Variants in TKFC observed in about 807,000 individuals in gnomAD.
TKFC encodes triokinase/FMN cyclase.
Under a neutral mutation model 61.0 loss-of-function variants are expected in TKFC, and 46 were observed. The observed-to-expected ratio is 0.75, with a 90% CI of 0.60 to 0.96. The LOEUF (loss-of-function observed/expected upper bound fraction) is 0.96. Among genes scored for constraint, TKFC ranks in the 50% least tolerant of loss-of-function variants. The pLI, the probability that TKFC is intolerant of heterozygous loss-of-function variation, is 0.00. For missense variants in TKFC, 715 were observed against 777.5 expected, an observed-to-expected ratio of 0.92 and a Z score of 0.96; for synonymous variants, 314 against 330.1, an observed-to-expected ratio of 0.95 and a Z score of 0.53.
At chr11:61,334,513 G>T in intron 1 of TKFC, 107 bp from the exon 2 acceptor site, 1 of 577,756 alleles carries the variant, frequency 1.7e-6, no homozygotes. Flanking sequence ...GTTTGGACTT[G>T]GACCGAAGTC....
chr11:61,333,390 C>T (rs561350640), intron 1 of TKFC, 61 bp downstream of exon 1: 16 of 159,444 alleles, frequency 1.0e-4, no homozygotes, highest in African/African-American at 3.6e-4. Context: ...GCCCTTTGCC[C>T]TTCCCCGCAT....
intron 5 of TKFC, 82 bp downstream of exon 5, chr11:61,339,517 T>C (rs1856769007): frequency 1.4e-6 from 2 of 1,433,272 alleles, no homozygotes; most frequent in Admixed American, 2.4e-5. Context: ...ACTGGACCTT[T>C]CCAGCCCTTC....
At chr11:61,345,617 G>A in intron 15 of TKFC, 52 bp downstream of exon 15, 1 of 1,612,010 alleles carries the variant, frequency 6.2e-7, no homozygotes, top group Non-Finnish European at 8.5e-7. Flanking sequence ...GGAGGTGTTT[G>A]GTGACATCTG....
chr11:61,340,037 G>T lies in TKFC; in HGVS notation c.486+602G>T, dbSNP rs183763393. On this transcript the variant is annotated intron_variant, in intron 5 of 17. Transcript: ENST00000394900. ...TTATTTATTTATTTTTTGAGGCAGA[G>T]TCTCACTCTGTTGCCCAGGCTGGAA... Among the ~76,000 whole-genome samples the T allele has an allele frequency of 3.0e-3, 456 of 151,278 alleles. 5 individuals carry two copies. Among genetic ancestry groups the T allele is most frequent in the Non-Finnish European group, 3.5e-3 (239 of 67,872 alleles).
chr11:61,344,250 C>G lies in TKFC; in HGVS notation c.1217C>G (p.Thr406Ser), dbSNP rs769371116. 1 of 1,612,900 alleles carries G rather than the reference C, an allele frequency of 6.2e-7. No homozygotes were observed. The highest frequency in any genetic ancestry group is 8.5e-7 in the Non-Finnish European group (1 of 1,179,962). The part of the protein sequence containing the change: ...DRAAGDGDCG[T>S]THSRAARAIQ... ...GCTGCTGGTGACGGCGACTGTGGCA[C>G]CACCCACAGCCGTGCGGCCAGAGGT... is the stretch of plus-strand genomic sequence containing the variant. The change falls in exon 13 of 18, where the codon ACC becomes AGC. Residue 406 changes from threonine (T) to serine (S), a missense_variant. Transcript: ENST00000394900.
intron 3 of TKFC, 129 bp downstream of exon 3, chr11:61,338,259 T>A (rs1445273981): frequency 2.4e-6 from 2 of 840,752 alleles, no homozygotes; most frequent in African/African-American, 3.5e-5. Context: ...CTTCCCACTC[T>A]CCCACTCCCT....
Position 61,334,611 on chromosome 11 carries a change from C to G in TKFC, c.-109-9C>G. The G allele has an allele frequency of 7.3e-7, 1 of 1,367,398 alleles. No homozygotes were observed. Among genetic ancestry groups the G allele is most frequent in the Non-Finnish European group, 1.0e-6 (1 of 967,874 alleles). The allele number at this position is 1,367,398 out of a possible 1,614,324, so 84.7% of individuals were successfully genotyped here. A position where few individuals can be genotyped will look rare whatever the true frequency, so the allele number is the denominator to read the frequency against. The stretch of plus-strand genomic sequence containing the variant: ...CTTCCGCAGCTTGTATCGTTACCCA[C>G]TCCTGCAGGTGCTGCTGCTGCCTCC... On this transcript the variant is annotated splice_polypyrimidine_tract_variant and intron_variant, in intron 1 of 17. Coordinates refer to ENST00000394900, the MANE Select transcript of TKFC (RefSeq NM_015533.4).
At chr11:61,333,856 G>C (rs1365244235) in intron 1 of TKFC, 4 of 152,268 alleles carry the variant, frequency 2.6e-5, no homozygotes, top group Admixed American at 6.5e-5. Flanking sequence ...CCAGAGAGGA[G>C]CCAACCCCCA....
Position 61,346,974 on chromosome 11 carries a change from C to T in TKFC, c.*471C>T. On this transcript the variant is annotated 3_prime_UTR_variant, in exon 18 of 18. Transcript: ENST00000394900. The surrounding 1 kb of genome is among the most constrained non-coding windows in gnomAD (Gnocchi z 4.1). ...TCCCAAGCATGTAAACAAGGGGGCC[C>T]ACAGCCCTGGCTGCAGGCATCATGA... 1 of 987,434 alleles carries T rather than the reference C, an allele frequency of 1.0e-6. No individual in the cohort carries two copies. The highest frequency in any genetic ancestry group is 1.2e-6 in the Non-Finnish European group (1 of 831,224). 61.2% of individuals were successfully genotyped at this position (987,434 alleles called of 1,614,324 possible). A position where few individuals can be genotyped will look rare whatever the true frequency, so the allele number is the denominator to read the frequency against.
chr11:61,334,582 G>A (rs763564329), intron 1 of TKFC, 38 bp from the exon 2 acceptor site: 377 of 1,044,628 alleles, frequency 3.6e-4, no homozygotes, highest in Non-Finnish European at 4.8e-4. Flanking sequence ...TCGACTGCGA[G>A]TTCCTTCCGC....
At chr11:61,350,318 G>C, downstream of TKFC, 1 of 1,549,100 alleles carries the variant, frequency 6.5e-7, no homozygotes, top group Non-Finnish European at 8.8e-7. Flanking sequence ...GAAACCAGCC[G>C]GGAGCCCTGG....
At position 61,341,806 on chromosome 11, in the gene TKFC, T is replaced by C; in HGVS notation, c.566-17T>C. Reference sequence around the variant, plus strand: ...TAAGAGTGGAACAGTCATCCCTTCATGCCTTGTTTCTCATAGGTACCCTGG... The same window carrying C: ...TAAGAGTGGAACAGTCATCCCTTCACGCCTTGTTTCTCATAGGTACCCTGG... On this transcript the variant is annotated splice_polypyrimidine_tract_variant and intron_variant, in intron 6 of 17. Transcript: ENST00000394900. The C allele has an allele frequency of 6.2e-7, 1 of 1,610,328 alleles. No individual in the cohort carries two copies. The highest frequency in any genetic ancestry group is 2.2e-5 in the East Asian group (1 of 44,856).
At position 61,333,322 on chromosome 11, in the gene TKFC, C is replaced by G. The variant is rs973432632; in HGVS notation, c.-117C>G. The stretch of plus-strand genomic sequence containing the variant: ...TGTGGCGGATGCGGCCGTGAGCCGG[C>G]GGGGGAGGTGCGCCAGTGTCCTCCG... On this transcript the variant is annotated 5_prime_UTR_variant, in exon 1 of 18. Transcript: ENST00000394900. 11 of 192,164 alleles carry G rather than the reference C, an allele frequency of 5.7e-5. No individual in the cohort carries two copies. Among genetic ancestry groups the G allele is most frequent in the East Asian group, 1.2e-4 (1 of 8,312 alleles). 11.9% of individuals were successfully genotyped at this position (192,164 alleles called of 1,614,324 possible).
rs1857282454 is a variant in TKFC at position 61,349,199 on chromosome 11, TGAA to T, written c.*2702_*2704del. 7.9e-6 allele frequency: 2 copies of T among 254,532 alleles called. No individual in the cohort carries two copies. The highest frequency in any genetic ancestry group is 1.6e-5 in the Non-Finnish European group (2 of 124,626). The allele number at this position is 254,532 out of a possible 1,614,324, so 15.8% of individuals were successfully genotyped here. ...CCGCTCTCCACCCTATTTCCTCCCC[TGAA>T]GAAGAGCAACAGCTCAAGCTCTAGC... On this transcript the variant is annotated 3_prime_UTR_variant, in exon 18 of 18. Coordinates refer to ENST00000394900, the MANE Select transcript of TKFC (RefSeq NM_015533.4).
rs139570155 is a variant in TKFC, at chr11:61,347,182, G to A, written c.*679G>A. 1.9e-5 allele frequency: 19 copies of A among 985,432 alleles called. No individual in the cohort carries two copies. The East Asian group carries it at 3.4e-4, about 18-fold the overall frequency. The allele number at this position is 985,432 out of a possible 1,614,324, so 61.0% of individuals were successfully genotyped here. ...ATAATTCAGTGGCTCCTCGGGAGTC[G>A]AATGGGCATTTGGGACACCAGAAGG... On this transcript the variant is annotated 3_prime_UTR_variant, in exon 18 of 18. Coordinates refer to ENST00000394900, the MANE Select transcript of TKFC (RefSeq NM_015533.4).
In TKFC at chr11:61,347,325, TA is replaced by T; in HGVS notation, c.*823del. Reference sequence around the variant, plus strand: ...GGGAGGCCAAGGCAGGCGGATCCCTTACACTCAGGAGTTCAAGACCAGTCTG... The same window carrying T: ...GGGAGGCCAAGGCAGGCGGATCCCTTCACTCAGGAGTTCAAGACCAGTCTG... On this transcript the variant is annotated 3_prime_UTR_variant, in exon 18 of 18. Coordinates refer to ENST00000394900, the MANE Select transcript of TKFC (RefSeq NM_015533.4). 2.1e-6 allele frequency: 2 copies of T among 958,812 alleles called. No individual in the cohort carries two copies. The highest frequency in any genetic ancestry group is 2.5e-6 in the Non-Finnish European group (2 of 805,764). 59.4% of individuals were successfully genotyped at this position (958,812 alleles called of 1,614,324 possible).
At position 61,346,126 on chromosome 11, in the gene TKFC, G is replaced by A. The variant is rs748894801; in HGVS notation, c.1575+180G>A. The stretch of plus-strand genomic sequence containing the variant: ...TGGCTAAGGAAATATGTAGAGCCCC[G>A]CACACTGCCTGGGATGTGACAGGGC... On this transcript the variant is annotated intron_variant, in intron 17 of 17. Coordinates refer to ENST00000394900, the MANE Select transcript of TKFC (RefSeq NM_015533.4). This position sits in a 1 kb window ranked among gnomAD's most constrained non-coding sequence, Gnocchi z 4.1. 4.9e-5 allele frequency: 58 copies of A among 1,184,200 alleles called. 2 individuals are homozygous for A. Among genetic ancestry groups the A allele is most frequent in the East Asian group, 2.0e-4 (8 of 39,124 alleles). The allele number at this position is 1,184,200 out of a possible 1,614,324, so 73.4% of individuals were successfully genotyped here. A position where few individuals can be genotyped will look rare whatever the true frequency, so the allele number is the denominator to read the frequency against.
In TKFC at chr11:61,344,188, C is replaced by T. The variant is rs1326735841; in HGVS notation, c.1155C>T (p.Leu385=). Residue 385 remains leucine, a synonymous_variant, in exon 13 of 18, where the codon CTC becomes CTT. Transcript: ENST00000394900. ...ALVLERVCST[L]LGLEEHLNAL... Reference sequence around the variant, plus strand: ...TGCTGGAACGGGTGTGCAGCACTCTCCTGGGCCTGGAGGAACACCTGAATG... The same window carrying T: ...TGCTGGAACGGGTGTGCAGCACTCTTCTGGGCCTGGAGGAACACCTGAATG... 3.7e-6 allele frequency: 6 copies of T among 1,612,616 alleles called. No individual in the cohort carries two copies. The highest frequency in any genetic ancestry group is 2.0e-4 in the Middle Eastern group (1 of 5,010).
intron 11 of TKFC, 131 bp downstream of exon 11, chr11:61,343,589 T>C: frequency 1.1e-6 from 1 of 938,546 alleles, no homozygotes; most frequent in Non-Finnish European, 1.6e-6. Flanking sequence ...AGGCTCTTCC[T>C]GGGCTTCTCC....
Sources: gnomAD v4.1 joint callset for allele counts (sites outside exome capture counted in the v4.1 genomes callset) on GRCh38, gnomAD v4.1.1 for gene constraint, Gnocchi (gnomAD v3.1) non-coding constraint, MANE v1.5 for transcripts, NCBI Gene and HGNC (gene_info 2026-07-23, HGNC 2026-07-21) for gene names.